The following ANXA7 variants were observed in gnomAD, a reference collection of about 807,000 sequenced individuals.
ANXA7 encodes annexin VII.
ANXA7 carries 55 observed loss-of-function variants against 64.9 expected under a neutral mutation model. The ratio of observed to expected loss-of-function variants is 0.85; its 90% CI spans 0.68 to 1.06. The LOEUF is 1.06. Among genes scored for constraint, ANXA7 ranks in the 50% least tolerant of loss-of-function variants. The probability of loss-of-function intolerance (pLI) is 0.00; values close to 1 mark genes in which losing one functional copy is unlikely to be tolerated. For synonymous variants in ANXA7, 200 were observed against 192.4 expected, an observed-to-expected ratio of 1.04 and a Z score of -0.33; for missense variants, 548 against 582.1, an observed-to-expected ratio of 0.94 and a Z score of 0.60.
At chr10:73,401,654 C>G (rs1248062614) in intron 1 of ANXA7, among the ~76,000 whole-genome samples, 1 of 152,172 alleles carries the variant, frequency 6.6e-6, no homozygotes, top group Non-Finnish European at 1.5e-5. Context: ...CGTCTGCCAC[C>G]ATGCTCGGCT....
intron 2 of ANXA7, 113 bp downstream of exon 2, chr10:73,400,690 T>A: frequency 2.5e-6 from 2 of 787,290 alleles, no homozygotes; most frequent in Non-Finnish European, 3.9e-6. Flanking sequence ...ACGTAGTACC[T>A]CTGAGCATCT....
chr10:73,405,729 C>T (rs1000470000), intron 1 of ANXA7, among the ~76,000 whole-genome samples: 13 of 152,184 alleles, frequency 8.5e-5, no homozygotes, highest in African/African-American at 3.1e-4. Flanking sequence ...GAAAGTAGAA[C>T]AATGTTATTT....
intron 9 of ANXA7, among the ~76,000 whole-genome samples, chr10:73,380,715 TAAA>T (rs1193520698): frequency 6.6e-6 from 1 of 152,214 alleles, no homozygotes; most frequent in Non-Finnish European, 1.5e-5. Flanking sequence ...GAGGTTATGT[TAAA>T]AATGAGGGCT....
chr10:73,383,005 C>A (rs866137953), intron 9 of ANXA7, among the ~76,000 whole-genome samples, 170 bp downstream of exon 9: 3 of 152,160 alleles, frequency 2.0e-5, no homozygotes, highest in South Asian at 2.1e-4. Flanking sequence ...AGGAATAAAT[C>A]TCAATAGTAA....
chr10:73,404,882 G>A (rs2055727996), intron 1 of ANXA7, among the ~76,000 whole-genome samples: 1 of 152,162 alleles, frequency 6.6e-6, no homozygotes, highest in Non-Finnish European at 1.5e-5. Flanking sequence ...CACTTTGGAA[G>A]CCAACGCAGG....
At chr10:73,397,033 T>A in intron 4 of ANXA7, 131 bp downstream of exon 4, 1 of 491,394 alleles carries the variant, frequency 2.0e-6, no homozygotes, top group Non-Finnish European at 3.6e-6. Flanking sequence ...AAAACCATTA[T>A]GTTTAAAATT....
chr10:73,386,524 A>G (rs1205584986), intron 7 of ANXA7, among the ~76,000 whole-genome samples: 1 of 152,214 alleles, frequency 6.6e-6, no homozygotes, highest in African/African-American at 2.4e-5. Flanking sequence ...CTAATGAAAG[A>G]AACTTCAGAG....
At chr10:73,383,861 C>T (rs1175748407) in intron 7 of ANXA7, among the ~76,000 whole-genome samples, 171 bp from the exon 8 acceptor site, 1 of 152,044 alleles carries the variant, frequency 6.6e-6, no homozygotes, top group Non-Finnish European at 1.5e-5. Context: ...GTGGCTCATG[C>T]CTGTAATCCC....
At chr10:73,394,439 T>C (rs1306096578) in intron 5 of ANXA7, among the ~76,000 whole-genome samples, 4 of 152,122 alleles carry the variant, frequency 2.6e-5, no homozygotes, top group Admixed American at 6.6e-5. Context: ...CTATTCACAA[T>C]AGCAAAGACT....
chr10:73,399,575 C>G (rs962959969), intron 2 of ANXA7, among the ~76,000 whole-genome samples: 1 of 152,186 alleles, frequency 6.6e-6, no homozygotes, highest in African/African-American at 2.4e-5. Context: ...GTAATCCCAG[C>G]GCTTTGGGAG....
In ANXA7 at chr10:73,400,822, G is replaced by A. The variant is rs757670972; in HGVS notation, c.35C>T (p.Pro12Leu). The A allele has an allele frequency of 2.5e-6, 4 of 1,605,836 alleles. No individual in the cohort carries two copies. The East Asian group carries it at 9.0e-5, about 36-fold the overall frequency. Residue 12 changes from proline to leucine, a missense_variant, in exon 2 of 13, where the codon CCA becomes CTA. Pro to Leu is a moderately conservative substitution (Grantham distance 98). Coordinates refer to ENST00000372921, the MANE Select transcript of ANXA7 (RefSeq NM_001156.5). ...ACTTACAGGATATCCAGGGAAAGGT[G>A]GGTAGCCTGTTGGGGGATAGCCTGG... ...SYPGYPPTGY[P>L]PFPGYPPAGQ... is the part of the protein sequence containing the mutation.
chr10:73,390,350 C>G (rs2055449225), intron 5 of ANXA7, among the ~76,000 whole-genome samples: 1 of 152,136 alleles, frequency 6.6e-6, no homozygotes, highest in Admixed American at 6.6e-5. Flanking sequence ...AATAGCTCCT[C>G]CCACTCATAT....
intron 1 of ANXA7, among the ~76,000 whole-genome samples, chr10:73,402,749 C>A (rs561261089): frequency 2.0e-4 from 30 of 152,136 alleles, no homozygotes; most frequent in Non-Finnish European, 4.0e-4. Flanking sequence ...GTTTATCTAC[C>A]TATCTTTAAG....
At chr10:73,392,652 C>A (rs1341956272) in intron 5 of ANXA7, among the ~76,000 whole-genome samples, 1 of 152,200 alleles carries the variant, frequency 6.6e-6, no homozygotes, top group African/African-American at 2.4e-5. Flanking sequence ...AATTTAACAG[C>A]ACTTCATGCT....
At chr10:73,384,128 A>AAT (rs1554816140) in intron 7 of ANXA7, among the ~76,000 whole-genome samples, 2 of 152,030 alleles carry the variant, frequency 1.3e-5, no homozygotes, top group African/African-American at 4.8e-5. Flanking sequence ...CTCAAAAAAA[A>AAT]AAATAAATAA....
At chr10:73,386,185 G>C (rs2055366402) in intron 7 of ANXA7, among the ~76,000 whole-genome samples, 1 of 143,394 alleles carries the variant, frequency 7.0e-6, no homozygotes, top group African/African-American at 2.6e-5. Flanking sequence ...CTGCACTCCA[G>C]CCTTTTGAGA....
intron 5 of ANXA7, among the ~76,000 whole-genome samples, chr10:73,390,573 C>T (rs1325745249): frequency 6.6e-6 from 1 of 151,404 alleles, no homozygotes; most frequent in Non-Finnish European, 1.5e-5. Flanking sequence ...TTGATGTAAC[C>T]GCTGTCACTA....
At chr10:73,387,638 G>T in intron 7 of ANXA7, 51 bp downstream of exon 7, 2 of 1,369,880 alleles carry the variant, frequency 1.5e-6, no homozygotes, top group Non-Finnish European at 2.1e-6. Flanking sequence ...TGACATGAAT[G>T]CAGAGTCTAC....
intron 12 of ANXA7, among the ~76,000 whole-genome samples, chr10:73,377,930 T>TGTGTGCGC (rs542289005): frequency 8.4e-5 from 12 of 142,584 alleles, no homozygotes; most frequent in African/African-American, 2.5e-4. Flanking sequence ...TGTGTGTGTG[T>TGTGTGCGC]GCGCGCGCGT....
Sources: gnomAD v4.1 joint callset for allele counts (sites outside exome capture counted in the v4.1 genomes callset) on GRCh38, gnomAD v4.1.1 for gene constraint, MANE v1.5 for transcripts, NCBI Gene and HGNC (gene_info 2026-07-23, HGNC 2026-07-21) for gene names.